Variants in DYNC1I1 observed in about 807,000 individuals in gnomAD.
DYNC1I1 encodes dynein cytoplasmic 1 intermediate chain 1.
A neutral mutation model predicts 86.6 loss-of-function variants in DYNC1I1; 43 were observed. That is an observed-to-expected ratio of 0.50 (90% CI 0.39 to 0.64). The LOEUF is 0.64. Ranked by LOEUF, DYNC1I1 falls within the 30% of genes least tolerant of loss-of-function variation. The pLI is 0.00. For synonymous variants in DYNC1I1, 262 were observed against 283.7 expected, an observed-to-expected ratio of 0.92 and a Z score of 0.77; for missense variants, 604 against 788.8, an observed-to-expected ratio of 0.77 and a Z score of 2.81.
At chr7:95,842,368 T>G (rs1789308974) in intron 5 of DYNC1I1, among the ~76,000 whole-genome samples, 1 of 152,118 alleles carries the variant, frequency 6.6e-6, no homozygotes, top group Admixed American at 6.6e-5. Flanking sequence ...GTCAAAAAGT[T>G]AAAAGGATAA....
intron 11 of DYNC1I1, among the ~76,000 whole-genome samples, chr7:96,029,236 A>G (rs1025974791): frequency 6.6e-6 from 1 of 152,208 alleles, no homozygotes; most frequent in Non-Finnish European, 1.5e-5. Context: ...GTCAGCCCCA[A>G]TTCTGATTGA....
At chr7:95,855,874 G>A (rs1482832287) in intron 5 of DYNC1I1, among the ~76,000 whole-genome samples, 1 of 152,166 alleles carries the variant, frequency 6.6e-6, no homozygotes, top group African/African-American at 2.4e-5. Context: ...GGGTTAGTTA[G>A]TGAGTGAGTG....
At chr7:95,961,045 C>T (rs78704912) in intron 6 of DYNC1I1, among the ~76,000 whole-genome samples, 5,183 of 152,270 alleles carry the variant, frequency 0.034, 145 homozygotes, top group Non-Finnish European at 0.051. Flanking sequence ...GTCATGCAAA[C>T]AGAAAAATTT....
intron 14 of DYNC1I1, among the ~76,000 whole-genome samples, chr7:96,066,923 G>C (rs1223093140): frequency 1.3e-5 from 2 of 152,060 alleles, no homozygotes; most frequent in African/African-American, 4.8e-5. Context: ...GCATATGTTA[G>C]GTCCTTAATA....
At chr7:96,106,161 T>C (rs1236754798) in intron 16 of DYNC1I1, among the ~76,000 whole-genome samples, 1 of 152,196 alleles carries the variant, frequency 6.6e-6, no homozygotes, top group Non-Finnish European at 1.5e-5. Flanking sequence ...TAATTTGCTC[T>C]CTTTTTTTCC....
intron 6 of DYNC1I1, among the ~76,000 whole-genome samples, chr7:95,949,355 C>T (rs957178969): frequency 3.3e-5 from 5 of 152,164 alleles, no homozygotes; most frequent in African/African-American, 7.2e-5. Context: ...GAGCACTAAG[C>T]GACCCATTAC....
intron 16 of DYNC1I1, among the ~76,000 whole-genome samples, chr7:96,105,380 G>A (rs752322371): frequency 2.2e-4 from 34 of 151,492 alleles, no homozygotes; most frequent in Middle Eastern, 3.4e-3. Flanking sequence ...AGTAGATGCT[G>A]AGTTTTATCA....
At chr7:95,821,974 A>G (rs1470411616) in intron 4 of DYNC1I1, among the ~76,000 whole-genome samples, 1 of 152,118 alleles carries the variant, frequency 6.6e-6, no homozygotes, top group Non-Finnish European at 1.5e-5. Context: ...GAACAAAAAC[A>G]CTCTTTAGGA....
intron 11 of DYNC1I1, among the ~76,000 whole-genome samples, chr7:96,029,802 TTG>T (rs1794764648): frequency 6.6e-6 from 1 of 151,748 alleles, no homozygotes; most frequent in African/African-American, 2.4e-5. Flanking sequence ...TCCTAGCTTC[TTG>T]GGAGGCTAAG....
At chr7:96,000,223 AG>A (rs1166014035) in intron 10 of DYNC1I1, among the ~76,000 whole-genome samples, 1 of 152,182 alleles carries the variant, frequency 6.6e-6, no homozygotes, top group Non-Finnish European at 1.5e-5. Context: ...TCAAAATGAA[AG>A]CACATAGTAG....
At chr7:95,997,581 T>G (rs1356219546) in intron 10 of DYNC1I1, among the ~76,000 whole-genome samples, 1 of 70,254 alleles carries the variant, frequency 1.4e-5, no homozygotes, top group Admixed American at 1.6e-4. Context: ...AAAAGGGCAT[T>G]CTTGTGTGTG....
chr7:96,030,153 C>T (rs1562977778), intron 11 of DYNC1I1, among the ~76,000 whole-genome samples: 2 of 152,092 alleles, frequency 1.3e-5, no homozygotes, highest in Non-Finnish European at 2.9e-5. Context: ...CCACAGATTA[C>T]TCACTAATTT....
rs376687281 is a variant in DYNC1I1, at chr7:96,090,250, GTTGTTGTT to G, written c.1777-7224_1777-7217del. Among the ~76,000 whole-genome samples the G allele has an allele frequency of 8.0e-3, 1,213 of 151,976 alleles. 17 individuals carry two copies. The highest frequency in any genetic ancestry group is 0.028 in the African/African-American group (1,149 of 41,378). On this transcript the variant is annotated intron_variant, in intron 16 of 16. Transcript: ENST00000447467. ...TCTTCGGATATTTGTTGTTGTTGTT[GTTGTTGTT>G]TTGTTGTTGTTTTTCTTCCACAGGT...
intron 16 of DYNC1I1, among the ~76,000 whole-genome samples, chr7:96,089,493 C>G (rs949272407): frequency 1.3e-5 from 2 of 152,114 alleles, no homozygotes; most frequent in Non-Finnish European, 2.9e-5. Flanking sequence ...AAAAAAATTA[C>G]TTAACTGTAG....
rs531962166 is a variant in DYNC1I1, at chr7:95,804,471, C to A, written c.-9-250C>A. 42 of 953,774 alleles carry A rather than the reference C, an allele frequency of 4.4e-5. No homozygotes were observed. The African/African-American group carries it at 6.4e-4, about 15-fold the overall frequency. The allele number at this position is 953,774 out of a possible 1,614,324, so 59.1% of individuals were successfully genotyped here. On this transcript the variant is annotated intron_variant, in intron 1 of 16. Coordinates refer to ENST00000447467, the MANE Select transcript of DYNC1I1 (RefSeq NM_001135556.2). ...CTGGAAGTTGCGATTCTTGCTTAGG[C>A]CACATAATAACCTTGTATTTCTTCA...
intron 6 of DYNC1I1, among the ~76,000 whole-genome samples, chr7:95,920,131 A>G (rs935245493): frequency 1.2e-4 from 19 of 152,196 alleles, no homozygotes; most frequent in African/African-American, 4.6e-4. Flanking sequence ...GAGGAACTGG[A>G]CAGACACTGC....
intron 1 of DYNC1I1, among the ~76,000 whole-genome samples, 190 bp downstream of exon 1, chr7:95,772,963 GCC>G (rs1380771024): frequency 6.6e-6 from 1 of 152,154 alleles, no homozygotes; most frequent in Non-Finnish European, 1.5e-5. Flanking sequence ...GGCGGCCAAA[GCC>G]CCCCAGTGAC....
At chr7:96,046,217 G>A (rs1789212135) in intron 14 of DYNC1I1, among the ~76,000 whole-genome samples, 1 of 152,120 alleles carries the variant, frequency 6.6e-6, no homozygotes, top group Admixed American at 6.5e-5. Context: ...AGGGAATGAG[G>A]CTGGAAAGAT....
intron 6 of DYNC1I1, among the ~76,000 whole-genome samples, chr7:95,872,144 A>C (rs947371431): frequency 1.3e-5 from 2 of 152,328 alleles, no homozygotes; most frequent in Admixed American, 1.3e-4. Context: ...AGCAGTGGAC[A>C]GTTGGCACTG....
Sources: gnomAD v4.1 joint callset for allele counts (sites outside exome capture counted in the v4.1 genomes callset) on GRCh38, gnomAD v4.1.1 for gene constraint, MANE v1.5 for transcripts, NCBI Gene and HGNC (gene_info 2026-07-23, HGNC 2026-07-21) for gene names.